The following ABI1 variants were observed in gnomAD, a reference collection of about 807,000 sequenced individuals.
ABI1 encodes abl interactor 1.
In ABI1, 14 loss-of-function variants were observed where a neutral mutation model predicts 54.6. That is an observed-to-expected ratio of 0.26 (90% CI 0.17 to 0.40). The LOEUF (loss-of-function observed/expected upper bound fraction) is 0.40. ABI1 is among the 10% of genes least tolerant of loss of function. The pLI is 1.00. For synonymous variants in ABI1, 194 were observed against 209.3 expected (o/e 0.93, Z 0.63); for missense variants, 443 against 598.3 (o/e 0.74, Z 2.71).
intron 1 of ABI1, among the ~76,000 whole-genome samples, chr10:26,851,348 A>ATTTTTTTTTTTTTTTTTTTT (rs397724445): frequency 1.5e-5 from 1 of 67,810 alleles, no homozygotes; most frequent in African/African-American, 6.4e-5. Flanking sequence ...GACTAAGCTA[A>ATTTTTTTTTTTTTTTTTTTT]TTTTTTTTTT....
intron 2 of ABI1, among the ~76,000 whole-genome samples, chr10:26,789,553 C>T (rs1479800970): frequency 6.6e-6 from 1 of 152,054 alleles, no homozygotes; most frequent in Non-Finnish European, 1.5e-5. Context: ...CAGTGGTTCA[C>T]AAAATTTTTA....
chr10:26,827,733 C>T (rs1486258305), intron 1 of ABI1, among the ~76,000 whole-genome samples: 2 of 152,052 alleles, frequency 1.3e-5, no homozygotes, highest in African/African-American at 2.4e-5. Flanking sequence ...GCTGGGACTA[C>T]AGGCATAAGC....
intron 7 of ABI1, among the ~76,000 whole-genome samples, chr10:26,761,661 T>TATATATACACAC (rs1375832167): frequency 0.013 from 1,037 of 78,434 alleles, 24 homozygotes; most frequent in Non-Finnish European, 0.019. Context: ...TATATATATA[T>TATATATACACAC]ACACACACAC....
intron 1 of ABI1, among the ~76,000 whole-genome samples, chr10:26,836,263 C>G (rs1174649513): frequency 6.6e-6 from 1 of 152,028 alleles, no homozygotes; most frequent in East Asian, 1.9e-4. Flanking sequence ...CAGGCGTGCG[C>G]CACCACACCT....
chr10:26,755,590 G>A (rs554272867), intron 9 of ABI1, 65 bp downstream of exon 9: 15 of 1,263,462 alleles, frequency 1.2e-5, no homozygotes, highest in South Asian at 5.0e-5. Context: ...ATGACTCATC[G>A]TCAGCCATGC....
At position 26,797,046 on chromosome 10, in the gene ABI1, A is replaced by G. The variant is rs75842961; in HGVS notation, c.286-19805T>C. 1.3e-3 allele frequency among the ~76,000 whole-genome samples: 198 copies of G among 152,324 alleles called. 4 individuals carry two copies. The East Asian group carries it at 0.033, about 25-fold the overall frequency. On this transcript the variant is annotated intron_variant, in intron 2 of 10. Transcript: ENST00000376140. The stretch of plus-strand genomic sequence containing the variant: ...GGTTCCTGACAAGCCACGGACTAGT[A>G]CAGGCCAGTAGCTCAGGGGTTGGGG...
intron 1 of ABI1, among the ~76,000 whole-genome samples, chr10:26,838,172 C>T (rs1439511272): frequency 1.3e-5 from 2 of 149,070 alleles, no homozygotes; most frequent in South Asian, 2.1e-4. Flanking sequence ...TACAGGTGAC[C>T]GCCACCACAC....
intron 1 of ABI1, among the ~76,000 whole-genome samples, chr10:26,834,399 G>C (rs1453785952): frequency 6.6e-6 from 1 of 152,036 alleles, no homozygotes; most frequent in Non-Finnish European, 1.5e-5. Flanking sequence ...ACAACCCATA[G>C]ATGGAAGAAA....
At chr10:26,853,019 G>C (rs1235787766) in intron 1 of ABI1, among the ~76,000 whole-genome samples, 2 of 152,136 alleles carry the variant, frequency 1.3e-5, no homozygotes, top group African/African-American at 4.8e-5. Context: ...GAGAAAATTA[G>C]TAGATCCAAA....
At chr10:26,852,202 G>A (rs563026123) in intron 1 of ABI1, among the ~76,000 whole-genome samples, 10 of 152,162 alleles carry the variant, frequency 6.6e-5, no homozygotes, top group Non-Finnish European at 1.3e-4. Context: ...AATCTGGGCC[G>A]AGCACGGTGG....
rs1016090056 is a variant in ABI1, at chr10:26,838,762, A to C, written c.118-15457T>G. 2.0e-5 allele frequency among the ~76,000 whole-genome samples: 3 copies of C among 152,228 alleles called. No homozygotes were observed. The South Asian group carries it at 6.2e-4, about 32-fold the overall frequency. On this transcript the variant is annotated intron_variant, in intron 1 of 10. Coordinates refer to ENST00000376140, the MANE Select transcript of ABI1 (RefSeq NM_001012750.3). ...TAAACAAGAAAGACATCTTTAAGTG[A>C]AATATCCCACTTAGCCTAGCAAACA...
At chr10:26,835,112 A>C (rs2048974086) in intron 1 of ABI1, among the ~76,000 whole-genome samples, 1 of 150,988 alleles carries the variant, frequency 6.6e-6, no homozygotes, top group African/African-American at 2.4e-5. Context: ...AAAAAAAAAA[A>C]AAACCCACAA....
intron 1 of ABI1, among the ~76,000 whole-genome samples, chr10:26,846,691 G>A (rs2050006836): frequency 6.6e-6 from 1 of 151,936 alleles, no homozygotes; most frequent in Admixed American, 6.6e-5. Flanking sequence ...CAAAAAAAAA[G>A]ATCAAAATCC....
intron 2 of ABI1, among the ~76,000 whole-genome samples, chr10:26,815,650 G>C (rs2047515279): frequency 6.6e-6 from 1 of 152,198 alleles, no homozygotes; most frequent in Admixed American, 6.5e-5. Context: ...GTTCACACCT[G>C]TAGTGCCAGC....
At chr10:26,858,537 G>GAAAAAAAAAAAA (rs60132421) in intron 1 of ABI1, among the ~76,000 whole-genome samples, 2 of 94,242 alleles carry the variant, frequency 2.1e-5, no homozygotes, top group Non-Finnish European at 4.3e-5. Flanking sequence ...CACAAAAAAA[G>GAAAAAAAAAAAA]AAAAAAAAAA....
intron 3 of ABI1, among the ~76,000 whole-genome samples, chr10:26,771,930 TA>T (rs924312687): frequency 2.4e-3 from 352 of 148,486 alleles, no homozygotes; most frequent in African/African-American, 8.3e-3. Context: ...ACAATGCCAC[TA>T]AAAAAAAATA....
chr10:26,842,192 T>C (rs562716759), intron 1 of ABI1, among the ~76,000 whole-genome samples: 2 of 152,348 alleles, frequency 1.3e-5, no homozygotes, highest in East Asian at 3.9e-4. Flanking sequence ...TGCTGTTGAG[T>C]ACCTTTTCAT....
At chr10:26,826,377 T>C (rs2048306363) in intron 1 of ABI1, among the ~76,000 whole-genome samples, 1 of 152,210 alleles carries the variant, frequency 6.6e-6, no homozygotes, top group Non-Finnish European at 1.5e-5. Context: ...CCATAAACCA[T>C]GCTGTAAACA....
At chr10:26,776,884 G>C (rs1841468356) in intron 3 of ABI1, 181 bp downstream of exon 3, 2 of 502,240 alleles carry the variant, frequency 4.0e-6, no homozygotes, top group Non-Finnish European at 3.4e-6. Flanking sequence ...TTTTAATACA[G>C]CCTATTCAAC....
Sources: allele counts gnomAD v4.1 joint callset (sites outside exome capture counted in the v4.1 genomes callset), GRCh38; gene constraint gnomAD v4.1.1; transcripts MANE v1.5; gene names NCBI Gene and HGNC (gene_info 2026-07-23, HGNC 2026-07-21).